ADARB2: variants seen among roughly 807,000 people sequenced by gnomAD.
ADARB2 encodes inactive double-stranded RNA-specific editase B2.
A neutral mutation model predicts 62.2 loss-of-function variants in ADARB2; 25 were observed. The observed-to-expected ratio is 0.40, with a 90% CI of 0.29 to 0.56. ADARB2 has a LOEUF of 0.56. Among genes scored for constraint, ADARB2 ranks in the 20% least tolerant of loss-of-function variants. The pLI is 0.43. For missense variants in ADARB2, 1,071 were observed against 1,077.4 expected (o/e 0.99, Z 0.08); for synonymous variants, 572 against 500.8 (o/e 1.14, Z -1.90).
At chr10:1,640,542 G>A (rs1005274604) in intron 1 of ADARB2, among the ~76,000 whole-genome samples, 8 of 152,156 alleles carry the variant, frequency 5.3e-5, no homozygotes, top group East Asian at 1.9e-4. Context: ...TAAAAATGGC[G>A]GATGCTCTAA....
At chr10:1,638,673 G>A (rs1833942883) in intron 1 of ADARB2, among the ~76,000 whole-genome samples, 1 of 152,198 alleles carries the variant, frequency 6.6e-6, no homozygotes, top group Non-Finnish European at 1.5e-5. Context: ...CATTTTCCAG[G>A]TGAGTAGAAT....
At chr10:1,726,488 C>T (rs75571775) in intron 1 of ADARB2, among the ~76,000 whole-genome samples, 4 of 152,036 alleles carry the variant, frequency 2.6e-5, no homozygotes, top group African/African-American at 9.7e-5. Context: ...CTGCCAGCAC[C>T]TTCTGTGACT....
At chr10:1,329,929 C>CTT (rs370355543) in intron 3 of ADARB2, among the ~76,000 whole-genome samples, 3,444 of 100,066 alleles carry the variant, frequency 0.034, 78 homozygotes, top group South Asian at 0.066. Context: ...GAAGAAGTGC[C>CTT]TTTTTTTTTT....
chr10:1,311,021 G>C (rs1831685187), intron 3 of ADARB2, among the ~76,000 whole-genome samples: 1 of 152,182 alleles, frequency 6.6e-6, no homozygotes, highest in Non-Finnish European at 1.5e-5. Flanking sequence ...TCTAGATCTG[G>C]CTATAGGCAA....
intron 7 of ADARB2, among the ~76,000 whole-genome samples, chr10:1,205,732 C>T (rs1233623738): frequency 6.6e-6 from 1 of 152,278 alleles, no homozygotes; most frequent in Non-Finnish European, 1.5e-5. Flanking sequence ...GGCTTCCAGC[C>T]TCCAGCGCCA....
At chr10:1,545,081 A>C (rs991606185) in intron 1 of ADARB2, among the ~76,000 whole-genome samples, 10 of 152,152 alleles carry the variant, frequency 6.6e-5, no homozygotes, top group African/African-American at 2.4e-4. Context: ...GAGTTGAAAT[A>C]CCAGCTCCAT....
intron 1 of ADARB2, among the ~76,000 whole-genome samples, chr10:1,425,546 G>C (rs1352625472): frequency 6.6e-6 from 1 of 152,202 alleles, no homozygotes; most frequent in Non-Finnish European, 1.5e-5. Flanking sequence ...CCAGTCCTCT[G>C]TCACTGGGCA....
chr10:1,347,199 G>A (rs1832088789), intron 3 of ADARB2, among the ~76,000 whole-genome samples: 1 of 152,222 alleles, frequency 6.6e-6, no homozygotes, highest in Non-Finnish European at 1.5e-5. Flanking sequence ...GATTAGAGGA[G>A]CTCGTCTGGA....
chr10:1,714,899 C>A lies in ADARB2; in HGVS notation c.100+22152G>T, dbSNP rs374266738. Among the ~76,000 whole-genome samples, 27 of 152,256 alleles carry A rather than the reference C, an allele frequency of 1.8e-4. No individual in the cohort carries two copies. In the South Asian group the frequency reaches 5.6e-3, roughly 32 times the overall value. ...TAAGTTTTAGGGTACATGTGCACAA[C>A]GTGCAGGTTTGTTACATACGTATAC... is the stretch of plus-strand genomic sequence containing the variant. On this transcript the variant is annotated intron_variant, in intron 1 of 9. Coordinates refer to ENST00000381312, the MANE Select transcript of ADARB2 (RefSeq NM_018702.4).
intron 1 of ADARB2, among the ~76,000 whole-genome samples, chr10:1,694,747 C>A (rs981526538): frequency 6.6e-6 from 1 of 152,088 alleles, no homozygotes; most frequent in Non-Finnish European, 1.5e-5. Context: ...TTTTTTCAGT[C>A]CGGGTTTTGG....
intron 2 of ADARB2, among the ~76,000 whole-genome samples, chr10:1,367,762 G>A (rs1282311459): frequency 2.0e-5 from 3 of 152,200 alleles, no homozygotes; most frequent in African/African-American, 7.2e-5. Flanking sequence ...CTGTCAGTGT[G>A]ATTACAGTGG....
At chr10:1,607,537 C>T (rs1311166672) in intron 1 of ADARB2, among the ~76,000 whole-genome samples, 2 of 152,046 alleles carry the variant, frequency 1.3e-5, no homozygotes. Flanking sequence ...ATCCCAGACA[C>T]CAGGCACCAG....
At chr10:1,678,345 G>T (rs1411593291) in intron 1 of ADARB2, 7 of 984,788 alleles carry the variant, frequency 7.1e-6, no homozygotes, top group Non-Finnish European at 8.4e-6. Context: ...CGGGGTGAGG[G>T]ACCTCGGAGT....
intron 3 of ADARB2, among the ~76,000 whole-genome samples, chr10:1,313,070 C>G (rs960622739): frequency 6.6e-6 from 1 of 152,196 alleles, no homozygotes; most frequent in African/African-American, 2.4e-5. Flanking sequence ...CAGTTGGGGC[C>G]GTTCATCCAT....
At chr10:1,670,541 C>T (rs932402837) in intron 1 of ADARB2, among the ~76,000 whole-genome samples, 3 of 152,188 alleles carry the variant, frequency 2.0e-5, no homozygotes, top group African/African-American at 4.8e-5. Context: ...AGATGCTGAC[C>T]GGCAGCCACC....
At position 1,327,880 on chromosome 10, in the gene ADARB2, G is replaced by A. The variant is rs1259247660; in HGVS notation, c.1077+35148C>T. Among the ~76,000 whole-genome samples, 2 of 151,268 alleles carry A rather than the reference G, an allele frequency of 1.3e-5. 1 individual carries two copies. The highest frequency in any genetic ancestry group is 3.9e-4 in the East Asian group (2 of 5,100). On this transcript the variant is annotated intron_variant, in intron 3 of 9. Coordinates refer to ENST00000381312, the MANE Select transcript of ADARB2 (RefSeq NM_018702.4). ...CAGCTCAGCGCCTCCTCACAGCTCA[G>A]CGCCTCCTCACAGCTCAGCGCCTCC...
At chr10:1,642,947 T>A (rs149380134) in intron 1 of ADARB2, among the ~76,000 whole-genome samples, 1 of 152,230 alleles carries the variant, frequency 6.6e-6, no homozygotes, top group African/African-American at 2.4e-5. Flanking sequence ...CGCGGCCCCC[T>A]CCTAATTAGC....
At chr10:1,298,964 T>G (rs1004262338) in intron 3 of ADARB2, among the ~76,000 whole-genome samples, 2 of 151,604 alleles carry the variant, frequency 1.3e-5, no homozygotes, top group Admixed American at 6.6e-5. Context: ...AGGTTGGTCT[T>G]GAACTTCTGG....
chr10:1,478,849 G>T (rs116371647), intron 1 of ADARB2, among the ~76,000 whole-genome samples: 1,931 of 151,618 alleles, frequency 0.013, 51 homozygotes, highest in African/African-American at 0.042. Context: ...AGGACCCTCC[G>T]ACAGGAGTGC....
Sources: gnomAD v4.1 joint callset for allele counts (sites outside exome capture counted in the v4.1 genomes callset) on GRCh38, gnomAD v4.1.1 for gene constraint, MANE v1.5 for transcripts, NCBI Gene and HGNC (gene_info 2026-07-23, HGNC 2026-07-21) for gene names.